ADAMTS17: variants seen among roughly 807,000 people sequenced by gnomAD.
ADAMTS17 encodes the protein A disintegrin and metalloproteinase with thrombospondin motifs 17.
A neutral mutation model predicts 141.5 loss-of-function variants in ADAMTS17; 113 were observed. The ratio of observed to expected loss-of-function variants is 0.80; its 90% CI spans 0.69 to 0.93. The LOEUF (loss-of-function observed/expected upper bound fraction) is 0.93, where lower values mean the gene tolerates loss of function less well. ADAMTS17 is among the 40% of genes least tolerant of loss of function. The probability of loss-of-function intolerance (pLI) is 0.00; values close to 1 mark genes in which losing one functional copy is unlikely to be tolerated. For synonymous variants in ADAMTS17, 768 were observed against 630.6 expected (o/e 1.22, Z -3.27); for missense variants, 1,659 against 1,517.9 (o/e 1.09, Z -1.54).
chr15:100,289,685 T>C (rs1342760208), intron 3 of ADAMTS17, among the ~76,000 whole-genome samples: 2 of 152,216 alleles, frequency 1.3e-5, no homozygotes, highest in South Asian at 2.1e-4. Context: ...CCAGGCTTTA[T>C]TCCTGGGATG....
At chr15:100,143,753 G>A (rs1016405984) in intron 10 of ADAMTS17, among the ~76,000 whole-genome samples, 6 of 152,132 alleles carry the variant, frequency 3.9e-5, no homozygotes, top group African/African-American at 9.7e-5. Flanking sequence ...TCAGTTCTCC[G>A]GTATGCAAAT....
At chr15:100,315,958 C>T (rs558719990) in intron 3 of ADAMTS17, among the ~76,000 whole-genome samples, 6 of 152,326 alleles carry the variant, frequency 3.9e-5, no homozygotes, top group African/African-American at 1.2e-4. Context: ...TTTGGCCAAG[C>T]CTTGAACACT....
intron 3 of ADAMTS17, among the ~76,000 whole-genome samples, chr15:100,327,405 AACC>A (rs1036830167): frequency 1.8e-4 from 28 of 152,208 alleles, no homozygotes; most frequent in African/African-American, 6.5e-4. Context: ...GCTTCACAGA[AACC>A]ACAGCTGGAG....
intron 10 of ADAMTS17, among the ~76,000 whole-genome samples, chr15:100,149,033 C>T (rs1001530066): frequency 3.3e-5 from 5 of 152,154 alleles, no homozygotes; most frequent in Non-Finnish European, 5.9e-5. Flanking sequence ...AGAAAGGAGG[C>T]GGCACACGCC....
At chr15:100,134,608 G>A (rs187542524) in intron 10 of ADAMTS17, among the ~76,000 whole-genome samples, 7 of 152,332 alleles carry the variant, frequency 4.6e-5, no homozygotes, top group Non-Finnish European at 7.3e-5. Flanking sequence ...GCTCTTCCAA[G>A]TAATCTCAAA....
intron 8 of ADAMTS17, among the ~76,000 whole-genome samples, chr15:100,166,179 C>G (rs549154557): frequency 6.6e-6 from 1 of 152,200 alleles, no homozygotes; most frequent in African/African-American, 2.4e-5. Context: ...TATTTCATAT[C>G]TTTGGTTGAA....
chr15:100,197,751 G>T (rs747574224), intron 8 of ADAMTS17, among the ~76,000 whole-genome samples: 1 of 152,024 alleles, frequency 6.6e-6, no homozygotes, highest in South Asian at 2.1e-4. Flanking sequence ...CATACAATAG[G>T]TACGGAAAGG....
At chr15:100,006,770 C>T (rs1424002914) in intron 18 of ADAMTS17, among the ~76,000 whole-genome samples, 6 of 152,140 alleles carry the variant, frequency 3.9e-5, no homozygotes, top group Admixed American at 1.3e-4. Context: ...CTCAGTTAAT[C>T]AAAGTAAGGA....
chr15:100,228,681 A>G (rs1394424085), intron 7 of ADAMTS17, among the ~76,000 whole-genome samples: 2 of 152,202 alleles, frequency 1.3e-5, no homozygotes, highest in East Asian at 3.9e-4. Flanking sequence ...CACACTTGGC[A>G]TGCTCTTGGA....
chr15:100,305,483 T>C (rs1237768640), intron 3 of ADAMTS17, among the ~76,000 whole-genome samples: 1 of 152,226 alleles, frequency 6.6e-6, no homozygotes, highest in Non-Finnish European at 1.5e-5. Context: ...CCAAGACCTG[T>C]GTGCACAAGG....
rs530492017 is a variant in ADAMTS17, at chr15:100,176,858, C to T, written c.1182-21538G>A. Among the ~76,000 whole-genome samples, 13 of 152,354 alleles carry T rather than the reference C, an allele frequency of 8.5e-5. No individual in the cohort carries two copies. The South Asian group carries it at 2.7e-3, about 32-fold the overall frequency. On this transcript the variant is annotated intron_variant, in intron 8 of 21. Coordinates refer to ENST00000268070, the MANE Select transcript of ADAMTS17 (RefSeq NM_139057.4). Reference sequence around the variant, plus strand: ...TTCACAAATGTTATATAAATGGAACCATGCATTATGTATGCTTTTGAAACT... The same window carrying T: ...TTCACAAATGTTATATAAATGGAACTATGCATTATGTATGCTTTTGAAACT...
rs2045641220 is a variant in ADAMTS17 at position 100,318,752 on chromosome 15, G to A, written c.616+12137C>T. 3.3e-5 allele frequency among the ~76,000 whole-genome samples: 5 copies of A among 152,336 alleles called. No homozygotes were observed. In the South Asian group the frequency reaches 1.0e-3, roughly 32 times the overall value. The stretch of plus-strand genomic sequence containing the variant: ...ATCTCACGCCTGTAAGTGAGTGAAT[G>A]ATCTGAGACCTCAACAATCCAGCAG... On this transcript the variant is annotated intron_variant, in intron 3 of 21. Coordinates refer to ENST00000268070, the MANE Select transcript of ADAMTS17 (RefSeq NM_139057.4).
At position 100,070,340 on chromosome 15, in the gene ADAMTS17, G is replaced by C. The variant is rs899083138; in HGVS notation, c.2138-16286C>G. On this transcript the variant is annotated intron_variant, in intron 15 of 21. Coordinates refer to ENST00000268070, the MANE Select transcript of ADAMTS17 (RefSeq NM_139057.4). ...CAACATTAGACAGATCAACGAGTCA[G>C]AAAGTTAACAAGGATATCCAGGAAT... Among the ~76,000 whole-genome samples, 10 of 148,890 alleles carry C rather than the reference G, an allele frequency of 6.7e-5. 1 individual carries two copies. The highest frequency in any genetic ancestry group is 1.3e-4 in the Non-Finnish European group (9 of 67,456).
chr15:100,327,144 G>A (rs62038109), intron 3 of ADAMTS17, among the ~76,000 whole-genome samples: 3,317 of 152,164 alleles, frequency 0.022, 49 homozygotes, highest in Non-Finnish European at 0.034. Context: ...TCCAATAATG[G>A]AACACTAGGC....
chr15:99,975,909 G>A, intron 21 of ADAMTS17, 136 bp downstream of exon 21: 1 of 1,017,304 alleles, frequency 9.8e-7, no homozygotes, highest in East Asian at 2.6e-5. Flanking sequence ...CTACAGAACT[G>A]ACAAATGTCA....
chr15:100,296,568 G>A (rs1305988633), intron 3 of ADAMTS17, among the ~76,000 whole-genome samples: 1 of 123,898 alleles, frequency 8.1e-6, no homozygotes. Flanking sequence ...TTGTTTGGAG[G>A]GGGTGAGGGG....
At chr15:100,100,690 C>T (rs1220740029) in intron 14 of ADAMTS17, among the ~76,000 whole-genome samples, 1 of 152,308 alleles carries the variant, frequency 6.6e-6, no homozygotes, top group South Asian at 2.1e-4. Context: ...CTAGTTTACA[C>T]CCTCCTTAAT....
rs1567285516 is a variant in ADAMTS17 at position 100,162,812 on chromosome 15, C to CACAGTATATATGCACAT, written c.1182-7493_1182-7492insATGTGCATATATACTGT. ...CACATATACACAGTATATATGCACACATACACATTATATATATGTGTATAA... is the reference window on the plus strand; with the variant it reads ...CACATATACACAGTATATATGCACACACAGTATATATGCACATATACACATTATATATATGTGTATAA... On this transcript the variant is annotated intron_variant, in intron 8 of 21. Coordinates refer to ENST00000268070, the MANE Select transcript of ADAMTS17 (RefSeq NM_139057.4). 2.7e-4 allele frequency among the ~76,000 whole-genome samples: 36 copies of CACAGTATATATGCACAT among 131,170 alleles called. 1 individual carries two copies. The highest frequency in any genetic ancestry group is 1.1e-3 in the African/African-American group (34 of 30,194). The allele number at this position is 131,170 out of a possible 152,430, so 86.1% of individuals were successfully genotyped here. A position where few individuals can be genotyped will look rare whatever the true frequency, so the allele number is the denominator to read the frequency against.
intron 15 of ADAMTS17, among the ~76,000 whole-genome samples, chr15:100,085,074 C>T (rs182050312): frequency 1.6e-4 from 25 of 152,038 alleles, no homozygotes. Context: ...GAACCCATGG[C>T]AAAGAAGTTA....
Sources: allele counts gnomAD v4.1 joint callset (sites outside exome capture counted in the v4.1 genomes callset), GRCh38; gene constraint gnomAD v4.1.1; transcripts MANE v1.5; gene names NCBI Gene and HGNC (gene_info 2026-07-23, HGNC 2026-07-21).